ST7: variants seen among roughly 807,000 people sequenced by gnomAD.
ST7 encodes the protein suppression of tumorigenicity 7.
ST7 carries 28 observed loss-of-function variants against 78.7 expected under a neutral mutation model. The observed-to-expected ratio is 0.36, with a 90% CI of 0.26 to 0.49. The LOEUF is 0.49. Ranked by LOEUF, ST7 falls within the 20% of genes least tolerant of loss-of-function variation. The pLI is 0.99. For missense variants in ST7, 418 were observed against 696.0 expected (o/e 0.60, Z 4.49); for synonymous variants, 247 against 249.6 (o/e 0.99, Z 0.10).
At chr7:117,110,364 C>T (rs1563088970) in intron 2 of ST7, among the ~76,000 whole-genome samples, 1 of 152,166 alleles carries the variant, frequency 6.6e-6, no homozygotes, top group Admixed American at 6.5e-5. Flanking sequence ...AAGACTGTTA[C>T]CTACTTAGAT....
chr7:117,038,324 A>C (rs1797003027), intron 1 of ST7, among the ~76,000 whole-genome samples: 1 of 152,196 alleles, frequency 6.6e-6, no homozygotes, highest in South Asian at 2.1e-4. Context: ...TCTTAATGCT[A>C]GGGTGAGAGC....
rs146686004 is a variant in ST7, at chr7:117,017,627, T to G, written c.151+63936T>G. ...TGGGTTTGGATTGTATTATATGACT[T>G]TTTTTTTGGAGGGGGGTTAGTAAGG... is the stretch of plus-strand genomic sequence containing the variant. On this transcript the variant is annotated intron_variant, in intron 1 of 15. Coordinates refer to ENST00000323984, the MANE Select transcript of ST7 (RefSeq NM_001369598.1). Among the ~76,000 whole-genome samples, 828 of 151,790 alleles carry G rather than the reference T, an allele frequency of 5.5e-3. 4 individuals are homozygous for G. Among genetic ancestry groups the G allele is most frequent in the African/African-American group, 0.018 (757 of 41,434 alleles).
At chr7:117,105,118 C>A (rs763334229) in intron 2 of ST7, among the ~76,000 whole-genome samples, 1 of 152,064 alleles carries the variant, frequency 6.6e-6, no homozygotes, top group Non-Finnish European at 1.5e-5. Flanking sequence ...TTTGAATGTT[C>A]CACAATGGAA....
At chr7:117,126,073 G>T (rs1468246528) in intron 3 of ST7, among the ~76,000 whole-genome samples, 1 of 151,912 alleles carries the variant, frequency 6.6e-6, no homozygotes, top group Non-Finnish European at 1.5e-5. Context: ...TTACAGAAAG[G>T]ATCCATGAAA....
At chr7:117,129,255 T>C (rs970193839) in intron 3 of ST7, among the ~76,000 whole-genome samples, 16 of 151,998 alleles carry the variant, frequency 1.1e-4, no homozygotes, top group Admixed American at 9.9e-4. Context: ...TCCTACAATA[T>C]GGTAATCTTA....
intron 1 of ST7, among the ~76,000 whole-genome samples, chr7:116,997,021 G>A (rs1437391025): frequency 6.6e-6 from 1 of 152,088 alleles, no homozygotes; most frequent in Non-Finnish European, 1.5e-5. Context: ...ATGAAGCCAC[G>A]GACCCTCATG....
intron 12 of ST7, among the ~76,000 whole-genome samples, chr7:117,196,646 T>TGC: frequency 2.4e-5 from 3 of 125,346 alleles, no homozygotes; most frequent in East Asian, 2.5e-4. Flanking sequence ...TTTTTTTTTT[T>TGC]TTTTTGCTAT....
At chr7:117,095,547 G>T (rs1194778434) in intron 1 of ST7, among the ~76,000 whole-genome samples, 1 of 152,210 alleles carries the variant, frequency 6.6e-6, no homozygotes, top group Non-Finnish European at 1.5e-5. Flanking sequence ...TCTACATGAT[G>T]CATTCCCTGA....
At position 117,182,439 on chromosome 7, in the gene ST7, CTA is replaced by C. The variant is rs1174743506; in HGVS notation, c.1079-6880_1079-6879del. Among the ~76,000 whole-genome samples, 4 of 152,286 alleles carry C rather than the reference CTA, an allele frequency of 2.6e-5. No homozygotes were observed. The East Asian group carries it at 7.7e-4, about 29-fold the overall frequency. ...AATAAGCTGGAATGACGTACTGAAACTATTAAGATTTAATGGCTCAGATTTAA... is the reference window on the plus strand; with the variant it reads ...AATAAGCTGGAATGACGTACTGAAACTTAAGATTTAATGGCTCAGATTTAA... On this transcript the variant is annotated intron_variant, in intron 10 of 15. Transcript: ENST00000323984.
intron 1 of ST7, 37 bp downstream of exon 1, chr7:116,953,728 T>TCCCCCG (rs1792265609): frequency 2.5e-6 from 3 of 1,193,236 alleles, no homozygotes; most frequent in African/African-American, 1.7e-5. Context: ...CGCCCACCCC[T>TCCCCCG]CCCCCGCCCC....
chr7:117,092,797 C>T (rs114972615), intron 1 of ST7, among the ~76,000 whole-genome samples: 148 of 152,282 alleles, frequency 9.7e-4, no homozygotes, highest in African/African-American at 3.2e-3. Flanking sequence ...GTAACTAAAT[C>T]AGAAATGTTG....
intron 1 of ST7, chr7:117,072,883 G>A (rs1356550693): frequency 6.6e-6 from 1 of 152,206 alleles, no homozygotes; most frequent in Non-Finnish European, 1.5e-5. Context: ...GGAGTTAAGT[G>A]TGCCAGATTA....
At chr7:117,138,242 C>G (rs1294528857) in intron 8 of ST7, among the ~76,000 whole-genome samples, 193 bp from the exon 9 acceptor site, 2 of 152,120 alleles carry the variant, frequency 1.3e-5, no homozygotes, top group South Asian at 2.1e-4. Flanking sequence ...AACATCCTCA[C>G]TCAAAAGCAT....
rs189893486 is a variant in ST7 at position 117,002,420 on chromosome 7, C to T, written c.151+48729C>T. Among the ~76,000 whole-genome samples the T allele has an allele frequency of 1.4e-3, 209 of 151,898 alleles. 1 individual carries two copies. The highest frequency in any genetic ancestry group is 3.0e-3 in the Admixed American group (46 of 15,256). On this transcript the variant is annotated intron_variant, in intron 1 of 15. Transcript: ENST00000323984. ...ATGAATATACACTCTTAAACACTAA[C>T]GTTTGTCTAAGTAATTTTAACTGGA...
chr7:117,051,431 C>A (rs1797786936), intron 1 of ST7, among the ~76,000 whole-genome samples: 1 of 152,110 alleles, frequency 6.6e-6, no homozygotes, highest in Non-Finnish European at 1.5e-5. Context: ...TGTGCAGAAG[C>A]CCTGAGAGGG....
At chr7:117,214,204 T>C (rs773911081) in intron 13 of ST7, among the ~76,000 whole-genome samples, 11 of 152,208 alleles carry the variant, frequency 7.2e-5, no homozygotes, top group South Asian at 4.1e-4. Context: ...GAGGCTAGTC[T>C]GCCATGGGGT....
intron 9 of ST7, among the ~76,000 whole-genome samples, chr7:117,158,422 C>A (rs1414510791): frequency 6.6e-6 from 1 of 152,140 alleles, no homozygotes; most frequent in Non-Finnish European, 1.5e-5. Context: ...ACCTTCCAGC[C>A]CTTTGAGTCT....
At chr7:117,097,908 ATTTTTTT>A (rs751549285) in intron 1 of ST7, among the ~76,000 whole-genome samples, 1,423 of 29,986 alleles carry the variant, frequency 0.047, 77 homozygotes, top group East Asian at 0.26. Flanking sequence ...ATATATATAT[ATTTTTTT>A]TTTTTTTTTT....
At chr7:117,042,859 A>G (rs1797301309) in intron 1 of ST7, among the ~76,000 whole-genome samples, 1 of 152,120 alleles carries the variant, frequency 6.6e-6, no homozygotes, top group South Asian at 2.1e-4. Context: ...GCAATTAAAT[A>G]TTAAAATGAG....
Sources: allele counts gnomAD v4.1 joint callset (sites outside exome capture counted in the v4.1 genomes callset), GRCh38; gene constraint gnomAD v4.1.1; transcripts MANE v1.5; gene names NCBI Gene and HGNC (gene_info 2026-07-23, HGNC 2026-07-21).